ENTREP2: variants seen among roughly 807,000 people sequenced by gnomAD.
The protein encoded by ENTREP2 is endosomal transmembrane epsin interactor 2, also known as protein ENTREP2.
the ENTREP2 span, among the ~76,000 whole-genome samples, chr15:29,190,349 G>A: frequency 2.6e-5 from 4 of 151,840 alleles, no homozygotes; most frequent in Non-Finnish European, 4.4e-5. Context: ...GGCCCCCAGG[G>A]GTTCTCTGCT....
chr15:29,139,484 C>G, the ENTREP2 span, among the ~76,000 whole-genome samples: 1 of 152,206 alleles, frequency 6.6e-6, no homozygotes, highest in Non-Finnish European at 1.5e-5. Flanking sequence ...TTCAATTAGT[C>G]TCTATCAGAA....
At chr15:29,344,830 T>C in the ENTREP2 span, among the ~76,000 whole-genome samples, 1 of 151,084 alleles carries the variant, frequency 6.6e-6, no homozygotes, top group Admixed American at 6.6e-5. Flanking sequence ...TTTATTGAAA[T>C]GAGGAGTGCC....
chr15:29,499,557 T>C, the ENTREP2 span, among the ~76,000 whole-genome samples: 1 of 151,676 alleles, frequency 6.6e-6, no homozygotes, highest in African/African-American at 2.4e-5. Flanking sequence ...TTTTTTTTTT[T>C]TAGAAATGAG....
At chr15:29,350,224 TTTC>T in the ENTREP2 span, among the ~76,000 whole-genome samples, 2 of 152,214 alleles carry the variant, frequency 1.3e-5, no homozygotes, top group African/African-American at 4.8e-5. Context: ...GGGTTTTCTA[TTTC>T]TTCTTAAGTT....
the ENTREP2 span, among the ~76,000 whole-genome samples, chr15:29,601,566 G>A: frequency 3.3e-5 from 5 of 151,616 alleles, no homozygotes; most frequent in Non-Finnish European, 5.9e-5. Context: ...GAGTTTCTCC[G>A]AAGGTGGCAG....
the ENTREP2 span, among the ~76,000 whole-genome samples, chr15:29,212,696 T>G: frequency 1.3e-5 from 2 of 152,224 alleles, no homozygotes; most frequent in Non-Finnish European, 2.9e-5. Context: ...CATTATTGTC[T>G]TTCAGTTCGA....
chr15:29,642,589 T>C, the ENTREP2 span, among the ~76,000 whole-genome samples: 1 of 148,620 alleles, frequency 6.7e-6, no homozygotes. Context: ...ATACTATATA[T>C]ATAGTGTATA....
chr15:29,376,501 A>T, the ENTREP2 span: 3 of 152,010 alleles, frequency 2.0e-5, no homozygotes, highest in African/African-American at 7.2e-5. Context: ...TTCTTTATTC[A>T]TGTCGCTAGT....
the ENTREP2 span, among the ~76,000 whole-genome samples, chr15:29,186,397 A>G: frequency 6.6e-6 from 1 of 152,228 alleles, no homozygotes; most frequent in African/African-American, 2.4e-5. Flanking sequence ...ATCCTGCCAC[A>G]TCACAGCTGC....
At chr15:29,454,076 G>A in the ENTREP2 span, among the ~76,000 whole-genome samples, 1 of 152,058 alleles carries the variant, frequency 6.6e-6, no homozygotes, top group South Asian at 2.1e-4. Context: ...TCCTCCACTG[G>A]AGTATGAGAG....
the ENTREP2 span, among the ~76,000 whole-genome samples, chr15:29,118,802 C>CACTT: frequency 0.71 from 108,003 of 151,772 alleles, 40,213 homozygotes; most frequent in Middle Eastern, 0.9. Context: ...GCTCTGCCAG[C>CACTT]ACTTACCTTT....
the ENTREP2 span, among the ~76,000 whole-genome samples, chr15:29,312,504 C>G: frequency 6.6e-6 from 1 of 152,084 alleles, no homozygotes; most frequent in South Asian, 2.1e-4. Context: ...CAACATTTTT[C>G]CAACATCATG....
the ENTREP2 span, among the ~76,000 whole-genome samples, chr15:29,299,578 A>C: frequency 6.6e-6 from 1 of 151,830 alleles, no homozygotes; most frequent in Admixed American, 6.6e-5. Flanking sequence ...TTCTCAAGTC[A>C]CTTCTCAGTG....
At chr15:29,569,408 G>C in the ENTREP2 span, 1 of 152,054 alleles carries the variant, frequency 6.6e-6, no homozygotes, top group Non-Finnish European at 1.5e-5. Context: ...AAGCAAAGCT[G>C]GACGAATTTT....
chr15:29,521,905 T>C, the ENTREP2 span, among the ~76,000 whole-genome samples: 3 of 151,990 alleles, frequency 2.0e-5, no homozygotes, highest in African/African-American at 7.3e-5. Context: ...ATTAAGACAG[T>C]GTGGTGTTGG....
the ENTREP2 span, among the ~76,000 whole-genome samples, chr15:29,584,235 C>T: frequency 1.3e-5 from 2 of 152,192 alleles, no homozygotes; most frequent in East Asian, 3.9e-4. Context: ...AGGAAATAAA[C>T]AACCCAATTA....
the ENTREP2 span, among the ~76,000 whole-genome samples, chr15:29,439,284 T>TACAAACACAC: frequency 5.3e-3 from 517 of 97,110 alleles, 11 homozygotes; most frequent in African/African-American, 0.024. Context: ...AAATTGGAAT[T>TACAAACACAC]ACACACACAC....
chr15:29,293,481 C>T, the ENTREP2 span, among the ~76,000 whole-genome samples: 1 of 151,644 alleles, frequency 6.6e-6, no homozygotes, highest in African/African-American at 2.4e-5. Context: ...TGGTCTCGAT[C>T]TCCTGACCTT....
the ENTREP2 span, among the ~76,000 whole-genome samples, chr15:29,525,140 A>G: frequency 6.6e-6 from 1 of 152,220 alleles, no homozygotes; most frequent in Non-Finnish European, 1.5e-5. Flanking sequence ...AAATCCAGCT[A>G]GTCCTGTCTT....
Sources: gnomAD v4.1 joint callset for allele counts (sites outside exome capture counted in the v4.1 genomes callset) on GRCh38, gnomAD v4.1.1 for gene constraint, MANE v1.5 for transcripts, NCBI Gene and HGNC (gene_info 2026-07-23, HGNC 2026-07-21) for gene names.